Variants in ARHGAP10 observed in about 807,000 individuals in gnomAD.
The protein encoded by ARHGAP10 is rho GTPase-activating protein 10.
In ARHGAP10, 87 loss-of-function variants were observed where a neutral mutation model predicts 108.6. The observed-to-expected ratio is 0.80, with a 90% CI of 0.67 to 0.96. The LOEUF is 0.96. ARHGAP10 is among the 40% of genes least tolerant of loss of function. The pLI is 0.00. For missense variants in ARHGAP10, 939 were observed against 954.5 expected, an observed-to-expected ratio of 0.98 and a Z score of 0.21; for synonymous variants, 347 against 341.1, an observed-to-expected ratio of 1.02 and a Z score of -0.19.
intron 3 of ARHGAP10, among the ~76,000 whole-genome samples, chr4:147,842,261 C>T (rs1733445617): frequency 6.6e-6 from 1 of 152,088 alleles, no homozygotes; most frequent in Non-Finnish European, 1.5e-5. Context: ...TCTTTTTCTA[C>T]TCTAGTGTTA....
intron 5 of ARHGAP10, chr4:147,861,477 CCT>C (rs1193004336): frequency 1.3e-5 from 2 of 151,942 alleles, no homozygotes; most frequent in African/African-American, 2.4e-5. Flanking sequence ...GAGGATCACC[CCT>C]GTTTGTGTTA....
intron 18 of ARHGAP10, among the ~76,000 whole-genome samples, chr4:148,006,574 T>A (rs1442247157): frequency 6.6e-6 from 1 of 152,206 alleles, no homozygotes; most frequent in Non-Finnish European, 1.5e-5. Flanking sequence ...AGAAGCTATG[T>A]CCCACAGTTT....
chr4:147,944,880 C>T (rs761330402), intron 14 of ARHGAP10, among the ~76,000 whole-genome samples: 6 of 152,136 alleles, frequency 3.9e-5, no homozygotes, highest in South Asian at 2.1e-4. Flanking sequence ...GGTACCATCA[C>T]TGCTTGCTTA....
chr4:147,954,677 T>C (rs1044856051), intron 15 of ARHGAP10, among the ~76,000 whole-genome samples: 1 of 152,046 alleles, frequency 6.6e-6, no homozygotes, highest in Non-Finnish European at 1.5e-5. Flanking sequence ...TGATCTTTTA[T>C]AATTTTAAGA....
At chr4:147,893,433 C>A (rs1735866237) in intron 10 of ARHGAP10, among the ~76,000 whole-genome samples, 1 of 146,418 alleles carries the variant, frequency 6.8e-6, no homozygotes, top group Non-Finnish European at 1.5e-5. Context: ...ATATATATTT[C>A]AATATATATA....
In ARHGAP10 at chr4:148,035,851, G is replaced by T. The variant is rs117613163; in HGVS notation, c.1868-11041G>T. Among the ~76,000 whole-genome samples, 124 of 152,240 alleles carry T rather than the reference G, an allele frequency of 8.1e-4. 4 individuals are homozygous for T. The East Asian group carries it at 0.023, about 29-fold the overall frequency. On this transcript the variant is annotated intron_variant, in intron 19 of 22. Transcript: ENST00000336498. ...ACTTAAGGAAGATTTTCTGATCAAA[G>T]AATCTGGACTTTTTTCTAGCAGTAA...
intron 12 of ARHGAP10, among the ~76,000 whole-genome samples, chr4:147,910,064 G>GT (rs1300327720): frequency 6.6e-6 from 1 of 152,082 alleles, no homozygotes; most frequent in Non-Finnish European, 1.5e-5. Context: ...CTGCAGTGCA[G>GT]TGGCATGGTC....
chr4:147,840,706 G>A (rs918094645), intron 3 of ARHGAP10, among the ~76,000 whole-genome samples: 1 of 152,124 alleles, frequency 6.6e-6, no homozygotes. Flanking sequence ...GAGACATCTT[G>A]CACACCTGAG....
chr4:148,026,189 T>C (rs569875432), intron 19 of ARHGAP10, among the ~76,000 whole-genome samples: 19 of 152,252 alleles, frequency 1.2e-4, no homozygotes, highest in African/African-American at 4.6e-4. Flanking sequence ...CTGCACTGAG[T>C]AGAGTATGAA....
At chr4:147,831,478 T>C (rs531388435) in intron 3 of ARHGAP10, among the ~76,000 whole-genome samples, 9 of 152,246 alleles carry the variant, frequency 5.9e-5, no homozygotes, top group Non-Finnish European at 1.2e-4. Context: ...TTATATGGCA[T>C]GTGAAGCTTG....
At chr4:147,898,389 TCTCTC>T (rs1161468325) in intron 10 of ARHGAP10, among the ~76,000 whole-genome samples, 2 of 152,054 alleles carry the variant, frequency 1.3e-5, no homozygotes, top group East Asian at 1.9e-4. Flanking sequence ...TTCTTATCAG[TCTCTC>T]CTCTCTCCTC....
intron 3 of ARHGAP10, among the ~76,000 whole-genome samples, chr4:147,823,768 AAAAAC>A (rs968963602): frequency 2.0e-5 from 3 of 152,158 alleles, no homozygotes; most frequent in Non-Finnish European, 2.9e-5. Flanking sequence ...AAAAAAAAGA[AAAAAC>A]AAAACAAAAA....
chr4:147,863,860 A>G (rs1734430729), intron 5 of ARHGAP10: 1 of 152,178 alleles, frequency 6.6e-6, no homozygotes, highest in Non-Finnish European at 1.5e-5. Context: ...CATTCCCACT[A>G]ATGATGCACA....
In ARHGAP10 at chr4:147,748,554, A is replaced by G. The variant is rs1015981282; in HGVS notation, c.154+16099A>G. 2.0e-5 allele frequency among the ~76,000 whole-genome samples: 3 copies of G among 152,250 alleles called. No homozygotes were observed. The East Asian group carries it at 5.8e-4, about 29-fold the overall frequency. On this transcript the variant is annotated intron_variant, in intron 1 of 22. Transcript: ENST00000336498. The stretch of plus-strand genomic sequence containing the variant: ...AAAGGGAAAAGAAAACAAAAACAAA[A>G]TGATACAGGGAGTGGGAGGAAACTT...
intron 18 of ARHGAP10, among the ~76,000 whole-genome samples, chr4:147,988,512 T>G (rs116372707): frequency 6.6e-6 from 1 of 152,180 alleles, no homozygotes; most frequent in African/African-American, 2.4e-5. Context: ...GAAGCTTTAG[T>G]ACATTAAGAC....
At chr4:147,864,794 G>A (rs998435609) in intron 5 of ARHGAP10, 52 bp from the exon 6 acceptor site, 8 of 1,533,122 alleles carry the variant, frequency 5.2e-6, no homozygotes, top group African/African-American at 2.7e-5. Flanking sequence ...CTGATGTAGC[G>A]TTTCACTTTT....
At chr4:147,962,958 GC>G (rs1739056647) in intron 16 of ARHGAP10, among the ~76,000 whole-genome samples, 1 of 152,160 alleles carries the variant, frequency 6.6e-6, no homozygotes, top group Non-Finnish European at 1.5e-5. Context: ...ACTGTGCCTG[GC>G]CACCACTCCT....
rs184506682 is a variant in ARHGAP10, at chr4:147,997,148, T to G, written c.1717-26115T>G. Among the ~76,000 whole-genome samples, 211 of 152,304 alleles carry G rather than the reference T, an allele frequency of 1.4e-3. 1 individual carries two copies. Among genetic ancestry groups the G allele is most frequent in the Non-Finnish European group, 1.5e-3 (104 of 68,030 alleles). ...AGTTGTCACCCCTGGTGTAGTGGTG[T>G]GAATAAAAAGTGTTAACAAAGCTGT... On this transcript the variant is annotated intron_variant, in intron 18 of 22. Coordinates refer to ENST00000336498, the MANE Select transcript of ARHGAP10 (RefSeq NM_024605.4).
intron 1 of ARHGAP10, among the ~76,000 whole-genome samples, chr4:147,808,093 G>C (rs1335570382): frequency 1.3e-5 from 2 of 152,186 alleles, no homozygotes; most frequent in East Asian, 3.8e-4. Context: ...ATCAAAGCTA[G>C]TTGAAGTTAG....
Sources: allele counts gnomAD v4.1 joint callset (sites outside exome capture counted in the v4.1 genomes callset), GRCh38; gene constraint gnomAD v4.1.1; transcripts MANE v1.5; gene names NCBI Gene and HGNC (gene_info 2026-07-23, HGNC 2026-07-21).